USH2A: variants seen among roughly 807,000 people sequenced by gnomAD.
USH2A encodes the protein usherin, also known as Usher syndrome 2A (autosomal recessive, mild).
USH2A carries 443 observed loss-of-function variants against 538.9 expected under a neutral mutation model. That is an observed-to-expected ratio of 0.82 (90% confidence interval 0.76 to 0.89). USH2A has a LOEUF of 0.89. USH2A is among the 40% of genes least tolerant of loss of function. The probability of loss-of-function intolerance (pLI) is 0.00; values close to 1 mark genes in which losing one functional copy is unlikely to be tolerated. For synonymous variants in USH2A, 2,413 were observed against 2,273.5 expected (o/e 1.06, Z -1.75); for missense variants, 6,633 against 6,324.8 (o/e 1.05, Z -1.65).
At chr1:216,364,805 A>G in intron 4 of USH2A, 148 bp downstream of exon 4, 1 of 1,093,338 alleles carries the variant, frequency 9.1e-7, no homozygotes, top group East Asian at 2.6e-5. Context: ...TTTTACTTTC[A>G]TTAATCTGCC....
chr1:216,165,808 G>GTTT (rs11453631), intron 21 of USH2A, among the ~76,000 whole-genome samples: 12 of 145,658 alleles, frequency 8.2e-5, no homozygotes, highest in Admixed American at 2.1e-4. Context: ...CAAACAACCA[G>GTTT]TTTTTTTTTT....
intron 3 of USH2A, among the ~76,000 whole-genome samples, chr1:216,366,612 C>T (rs1258528362): frequency 6.6e-6 from 1 of 151,504 alleles, no homozygotes; most frequent in Non-Finnish European, 1.5e-5. Context: ...CAAAACACAA[C>T]AAAACAAAAA....
intron 32 of USH2A, among the ~76,000 whole-genome samples, chr1:216,026,754 A>G (rs1668976769): frequency 6.6e-6 from 1 of 152,178 alleles, no homozygotes; most frequent in African/African-American, 2.4e-5. Flanking sequence ...AGGTTAATCA[A>G]TCAATAATTC....
At chr1:216,377,712 G>A (rs746725319) in intron 3 of USH2A, among the ~76,000 whole-genome samples, 31 of 147,650 alleles carry the variant, frequency 2.1e-4, no homozygotes, top group Non-Finnish European at 3.7e-4. Context: ...GGAGAGCAGG[G>A]GAGGGGGGAA....
At chr1:216,277,965 T>C (rs1415093621) in intron 11 of USH2A, among the ~76,000 whole-genome samples, 2 of 152,088 alleles carry the variant, frequency 1.3e-5, no homozygotes, top group African/African-American at 2.4e-5. Context: ...AGCCTGTATA[T>C]TGTTTTGGCC....
At chr1:216,331,319 A>G (rs566585700) in intron 4 of USH2A, among the ~76,000 whole-genome samples, 1 of 152,252 alleles carries the variant, frequency 6.6e-6, no homozygotes, top group Admixed American at 6.5e-5. Context: ...CATATGGCAA[A>G]GATATGTCTA....
At chr1:216,075,903 GA>G (rs142705447) in intron 27 of USH2A, among the ~76,000 whole-genome samples, 1,773 of 144,576 alleles carry the variant, frequency 0.012, 21 homozygotes, top group Non-Finnish European at 0.017. Context: ...AGCTTCTGAT[GA>G]AAAAAAAAAG....
chr1:216,255,860 C>T (rs752353659), intron 11 of USH2A, among the ~76,000 whole-genome samples: 2 of 152,070 alleles, frequency 1.3e-5, no homozygotes, highest in Non-Finnish European at 2.9e-5. Flanking sequence ...ATTTTACTTT[C>T]TCCTTCAGTT....
chr1:216,050,560 TTTTC>T (rs67191347), intron 30 of USH2A, among the ~76,000 whole-genome samples: 492 of 35,694 alleles, frequency 0.014, 56 homozygotes, highest in East Asian at 0.13. Context: ...ATTTGTATCT[TTTTC>T]TTTCTTTCTT....
chr1:215,768,021 T>A (rs1661180706), intron 55 of USH2A, among the ~76,000 whole-genome samples: 1 of 152,198 alleles, frequency 6.6e-6, no homozygotes, highest in East Asian at 1.9e-4. Flanking sequence ...TATTTTGAGC[T>A]ACATTTTCGC....
At position 216,083,374 on chromosome 1, in the gene USH2A, G is replaced by T. The variant is rs80000884; in HGVS notation, c.5298+82C>A. ...GAATTTGTAAAGAAACCCCAATTAA[G>T]TGTAATGCCAACACATGGTTTATTT... On this transcript the variant is annotated intron_variant, in intron 26 of 71. Transcript: ENST00000307340. 7,928 of 1,461,930 alleles carry T rather than the reference G, an allele frequency of 5.4e-3. 302 individuals are homozygous for T. The African/African-American group carries it at 0.087, about 16-fold the overall frequency. 90.6% of individuals were successfully genotyped at this position (1,461,930 alleles called of 1,614,324 possible). A position where few individuals can be genotyped will look rare whatever the true frequency, so the allele number is the denominator to read the frequency against.
In USH2A at chr1:216,246,617, C is replaced by A. The variant is rs146916397; in HGVS notation, c.2777G>T (p.Arg926Leu). The change falls in exon 13 of 72, where the codon CGT becomes CTT. Residue 926 changes from arginine (R) to leucine (L), a missense_variant. Physicochemically the swap from Arg to Leu is moderately radical, Grantham distance 102 (BLOSUM62 -2). Coordinates refer to ENST00000307340, the MANE Select transcript of USH2A (RefSeq NM_206933.4). ...ISGQCLCVPNRQGRRCNQCQP... is the reference protein window; with the variant it reads ...ISGQCLCVPNLQGRRCNQCQP... Reference sequence around the variant, plus strand: ...ACACTGATTACACCTTCTTCCTTGACGATTAGGCACACACAGGCACTGGCC... The same window carrying A: ...ACACTGATTACACCTTCTTCCTTGAAGATTAGGCACACACAGGCACTGGCC... 6.2e-7 allele frequency: 1 copy of A among 1,614,014 alleles called. No homozygotes were observed. The highest frequency in any genetic ancestry group is 8.5e-7 in the Non-Finnish European group (1 of 1,179,932).
At chr1:216,197,057 A>G (rs2034865213) in intron 18 of USH2A, among the ~76,000 whole-genome samples, 1 of 152,130 alleles carries the variant, frequency 6.6e-6, no homozygotes, top group Admixed American at 6.5e-5. Flanking sequence ...ACAAAAATAG[A>G]ACATCTCAGT....
intron 51 of USH2A, among the ~76,000 whole-genome samples, chr1:215,787,887 A>C (rs1363729528): frequency 6.6e-6 from 1 of 152,010 alleles, no homozygotes; most frequent in Admixed American, 6.6e-5. Context: ...CTACTAAAAA[A>C]ACAAAAATTA....
At chr1:216,326,450 A>G (rs1023282843) in intron 5 of USH2A, among the ~76,000 whole-genome samples, 2 of 152,132 alleles carry the variant, frequency 1.3e-5, no homozygotes, top group African/African-American at 2.4e-5. Flanking sequence ...AATCTCATCA[A>G]TTCTTTTCAA....
intron 60 of USH2A, among the ~76,000 whole-genome samples, chr1:215,740,406 A>G (rs572259806): frequency 5.9e-5 from 9 of 151,316 alleles, no homozygotes; most frequent in East Asian, 2.0e-4. Flanking sequence ...TTTTTCCTCA[A>G]TCTTTCTCTT....
At chr1:216,116,683 A>C (rs1007528326) in intron 21 of USH2A, among the ~76,000 whole-genome samples, 36 of 152,146 alleles carry the variant, frequency 2.4e-4, no homozygotes, top group African/African-American at 6.8e-4. Flanking sequence ...ACTCACAATG[A>C]ACTCACAGTC....
At chr1:216,364,807 T>G in intron 4 of USH2A, 146 bp downstream of exon 4, 1 of 1,097,932 alleles carries the variant, frequency 9.1e-7, no homozygotes, top group Non-Finnish European at 1.3e-6. Flanking sequence ...TTACTTTCAT[T>G]AATCTGCCAT....
At chr1:215,830,489 A>C (rs748612087) in intron 47 of USH2A, among the ~76,000 whole-genome samples, 6 of 152,126 alleles carry the variant, frequency 3.9e-5, no homozygotes, top group Admixed American at 6.6e-5. Context: ...CTCATTGCCT[A>C]AGAACAACTC....
Sources: gnomAD v4.1 joint callset for allele counts (sites outside exome capture counted in the v4.1 genomes callset) on GRCh38, gnomAD v4.1.1 for gene constraint, MANE v1.5 for transcripts, NCBI Gene and HGNC (gene_info 2026-07-23, HGNC 2026-07-21) for gene names.